Variants in GPC6 observed in about 807,000 individuals in gnomAD.
The protein encoded by GPC6 is glypican-6.
In GPC6, 14 loss-of-function variants were observed where a neutral mutation model predicts 55.2. That is an observed-to-expected ratio of 0.25 (90% CI 0.17 to 0.40). The LOEUF (loss-of-function observed/expected upper bound fraction) is 0.40, where lower values mean the gene tolerates loss of function less well. Ranked by LOEUF, GPC6 falls within the 10% of genes least tolerant of loss-of-function variation. The pLI is 1.00. For synonymous variants in GPC6, 278 were observed against 259.6 expected (o/e 1.07, Z -0.68); for missense variants, 641 against 708.5 (o/e 0.90, Z 1.08).
intron 1 of GPC6, among the ~76,000 whole-genome samples, chr13:93,347,997 A>G (rs1594110482): frequency 6.6e-6 from 1 of 152,186 alleles, no homozygotes; most frequent in Admixed American, 6.5e-5. Context: ...GAGATGTCCT[A>G]CAGTTTTAAA....
At chr13:94,181,933 T>A (rs893637825) in intron 4 of GPC6, among the ~76,000 whole-genome samples, 2 of 152,232 alleles carry the variant, frequency 1.3e-5, no homozygotes, top group African/African-American at 2.4e-5. Context: ...GTTCTTACTT[T>A]TCTGATGAAG....
intron 2 of GPC6, among the ~76,000 whole-genome samples, chr13:93,554,517 A>G (rs1875352130): frequency 6.6e-6 from 1 of 152,226 alleles, no homozygotes; most frequent in African/African-American, 2.4e-5. Flanking sequence ...CCATATGGAC[A>G]TCAAAATAAG....
At chr13:94,110,808 G>A (rs1886218928) in intron 4 of GPC6, among the ~76,000 whole-genome samples, 1 of 152,116 alleles carries the variant, frequency 6.6e-6, no homozygotes, top group South Asian at 2.1e-4. Context: ...ATTCATCAGT[G>A]TTAAGCTATA....
intron 1 of GPC6, among the ~76,000 whole-genome samples, chr13:93,432,009 AG>A (rs1877378696): frequency 6.6e-6 from 1 of 152,190 alleles, no homozygotes; most frequent in Non-Finnish European, 1.5e-5. Context: ...ATGTGTCCCT[AG>A]AAGTTTACTT....
intron 4 of GPC6, among the ~76,000 whole-genome samples, chr13:94,122,438 T>A (rs1487876776): frequency 6.6e-6 from 1 of 152,110 alleles, no homozygotes; most frequent in Non-Finnish European, 1.5e-5. Context: ...TATAAATAAC[T>A]GTCTCCCTGA....
chr13:93,534,144 C>T (rs911712546), intron 1 of GPC6, among the ~76,000 whole-genome samples: 1 of 152,094 alleles, frequency 6.6e-6, no homozygotes, highest in African/African-American at 2.4e-5. Flanking sequence ...CTCTAGGAGG[C>T]TCCTCAGGAG....
chr13:94,279,248 T>C (rs1467504453), intron 4 of GPC6, among the ~76,000 whole-genome samples: 1 of 152,180 alleles, frequency 6.6e-6, no homozygotes, highest in African/African-American at 2.4e-5. Flanking sequence ...TATTCTCTGA[T>C]GGTAGTTTGT....
At chr13:93,591,496 T>C (rs980342526) in intron 2 of GPC6, among the ~76,000 whole-genome samples, 3 of 152,136 alleles carry the variant, frequency 2.0e-5, no homozygotes, top group African/African-American at 7.2e-5. Context: ...GGAAATCATC[T>C]TGTTTCGTAT....
chr13:94,363,886 C>T (rs544619034), intron 6 of GPC6, among the ~76,000 whole-genome samples: 1 of 152,160 alleles, frequency 6.6e-6, no homozygotes, highest in African/African-American at 2.4e-5. Flanking sequence ...AAAATACAAA[C>T]TAGGCTTTAA....
At chr13:93,572,598 A>T (rs921763100) in intron 2 of GPC6, among the ~76,000 whole-genome samples, 1 of 152,194 alleles carries the variant, frequency 6.6e-6, no homozygotes, top group Admixed American at 6.5e-5. Flanking sequence ...TTAAGCTTCA[A>T]GGAGTATTTA....
chr13:93,404,260 TAGG>T (rs1007783161), intron 1 of GPC6, among the ~76,000 whole-genome samples: 48 of 152,138 alleles, frequency 3.2e-4, no homozygotes, highest in African/African-American at 9.9e-4. Flanking sequence ...GGGGAACAAT[TAGG>T]AGGGTTTGAG....
chr13:93,738,098 C>T (rs1460762764), intron 2 of GPC6, among the ~76,000 whole-genome samples: 1 of 152,084 alleles, frequency 6.6e-6, no homozygotes, highest in Non-Finnish European at 1.5e-5. Flanking sequence ...TTAATATTTG[C>T]AAATAGCAAC....
intron 1 of GPC6, among the ~76,000 whole-genome samples, chr13:93,393,868 AT>A (rs34053387): frequency 0.52 from 78,689 of 151,018 alleles, 22,486 homozygotes; most frequent in Non-Finnish European, 0.66. Flanking sequence ...GTCAACATTA[AT>A]TTTTTTTTTC....
At chr13:93,820,386 A>G (rs1218386959) in intron 2 of GPC6, among the ~76,000 whole-genome samples, 1 of 152,034 alleles carries the variant, frequency 6.6e-6, no homozygotes, top group African/African-American at 2.4e-5. Context: ...TCCAATACAC[A>G]TTGAGAGTAA....
intron 2 of GPC6, among the ~76,000 whole-genome samples, chr13:93,781,013 C>T (rs1232978121): frequency 6.6e-6 from 1 of 152,100 alleles, no homozygotes; most frequent in Non-Finnish European, 1.5e-5. Context: ...TGCGGTGGCT[C>T]ATGCCTGTAA....
chr13:93,634,147 A>C (rs1594328886), intron 2 of GPC6, among the ~76,000 whole-genome samples: 1 of 152,318 alleles, frequency 6.6e-6, no homozygotes, highest in South Asian at 2.1e-4. Flanking sequence ...TTAAATTAAT[A>C]AGTGTGATCT....
intron 4 of GPC6, among the ~76,000 whole-genome samples, chr13:94,277,612 G>T (rs1892254161): frequency 6.6e-6 from 1 of 152,146 alleles, no homozygotes; most frequent in Middle Eastern, 3.2e-3. Flanking sequence ...TTTGTATAAG[G>T]TGTAAGGAAG....
chr13:93,266,787 A>C (rs1483226702), intron 1 of GPC6, among the ~76,000 whole-genome samples: 1 of 152,208 alleles, frequency 6.6e-6, no homozygotes, highest in Non-Finnish European at 1.5e-5. Flanking sequence ...CTGTTGGTAA[A>C]TATCACTTAT....
chr13:93,388,048 C>T (rs533011760), intron 1 of GPC6, among the ~76,000 whole-genome samples: 1 of 152,276 alleles, frequency 6.6e-6, no homozygotes, highest in South Asian at 2.1e-4. Context: ...TTATACTCTG[C>T]AATCCTGTAT....
Sources: allele counts gnomAD v4.1 joint callset (sites outside exome capture counted in the v4.1 genomes callset), GRCh38; gene constraint gnomAD v4.1.1; transcripts MANE v1.5; gene names NCBI Gene and HGNC (gene_info 2026-07-23, HGNC 2026-07-21).